The following BYSL variants were observed in gnomAD, a reference collection of about 807,000 sequenced individuals.
BYSL encodes bystin like.
Under a neutral mutation model 45.4 loss-of-function variants are expected in BYSL, and 21 were observed. The observed-to-expected ratio is 0.46, with a 90% CI of 0.33 to 0.67. The LOEUF (loss-of-function observed/expected upper bound fraction) is 0.67. Among genes scored for constraint, BYSL ranks in the 30% least tolerant of loss-of-function variants. The probability of loss-of-function intolerance (pLI) is 0.02; values close to 1 mark genes in which losing one functional copy is unlikely to be tolerated. For missense variants in BYSL, 522 were observed against 578.5 expected, an observed-to-expected ratio of 0.90 and a Z score of 1.00; for synonymous variants, 215 against 231.3, an observed-to-expected ratio of 0.93 and a Z score of 0.64.
At chr6:41,927,228 G>C (rs1000477092) in intron 1 of BYSL, 146 bp from the exon 2 acceptor site, 4 of 874,680 alleles carry the variant, frequency 4.6e-6, no homozygotes, top group Non-Finnish European at 6.8e-6. Context: ...CTGGGGACAG[G>C]GAGCTAATGC....
rs201213409 is a variant in BYSL at position 41,932,338 on chromosome 6, A to G, written c.969-23A>G. 1.7e-5 allele frequency: 27 copies of G among 1,595,406 alleles called. No individual in the cohort carries two copies. Among genetic ancestry groups the G allele is most frequent in the African/African-American group, 4.0e-5 (3 of 74,706 alleles). ...TTCCAATGTTTTCCCTGCTTACTCT[A>G]CCCCACCTCCCTTTCCCACTAGTGC... is the stretch of plus-strand genomic sequence containing the variant. On this transcript the variant is annotated intron_variant, in intron 6 of 6. Coordinates refer to ENST00000230340, the MANE Select transcript of BYSL (RefSeq NM_004053.4). The surrounding 1 kb of genome is among the most constrained non-coding windows in gnomAD (Gnocchi z 4.7).
rs1201160291 is a variant in BYSL at position 41,932,757 on chromosome 6, C to T, written c.*51C>T. On this transcript the variant is annotated 3_prime_UTR_variant, in exon 7 of 7. Transcript: ENST00000230340. This position sits in a 1 kb window ranked among gnomAD's most constrained non-coding sequence, Gnocchi z 4.7. The stretch of plus-strand genomic sequence containing the variant: ...AAGGGGTTTGGAAGGACACCAAGAC[C>T]CCCGTTGGTGACTGAAGATGACACT... The T allele has an allele frequency of 6.5e-7, 1 of 1,535,152 alleles. No individual in the cohort carries two copies. Among genetic ancestry groups the T allele is most frequent in the Non-Finnish European group, 8.8e-7 (1 of 1,131,428 alleles).
chr6:41,920,844 A>G, upstream of BYSL: 1 of 836,796 alleles, frequency 1.2e-6, no homozygotes, highest in Non-Finnish European at 1.8e-6. Context: ...ATCTCTGAGG[A>G]AACAAGCCCG....
At position 41,921,591 on chromosome 6, in the gene BYSL, T is replaced by C. The variant is rs1554152618; in HGVS notation, c.29T>C (p.Val10Ala). ...CCCAAATTCAAGGCGGCCCGTGGGGTGGGGGGTCAGGAAAAACATGCGCCC... is the reference window on the plus strand; with the variant it reads ...CCCAAATTCAAGGCGGCCCGTGGGGCGGGGGGTCAGGAAAAACATGCGCCC... MPKFKAARG[V>A]GGQEKHAPLA... Residue 10 changes from valine (V) to alanine (A), a missense_variant, in exon 1 of 7, where the codon GTG becomes GCG. Coordinates refer to ENST00000230340, the MANE Select transcript of BYSL (RefSeq NM_004053.4). The C allele has an allele frequency of 2.5e-6, 4 of 1,588,252 alleles. No homozygotes were observed. The East Asian group carries it at 9.1e-5, about 36-fold the overall frequency.
chr6:41,920,833 C>A (rs1775443697), upstream of BYSL: 1 of 672,616 alleles, frequency 1.5e-6, no homozygotes. Flanking sequence ...GGAAGGGGCG[C>A]ATCTCTGAGG....
chr6:41,930,102 C>T (rs780374384), intron 2 of BYSL, 30 bp from the exon 3 acceptor site: 4 of 1,613,344 alleles, frequency 2.5e-6, no homozygotes, highest in African/African-American at 1.3e-5. Context: ...TGCCCCCTCT[C>T]TCCCCTCCTC....
the BYSL span, among the ~76,000 whole-genome samples, chr6:41,914,498 G>C: frequency 3.3e-5 from 5 of 152,198 alleles, no homozygotes; most frequent in Admixed American, 2.6e-4. Context: ...GTTAGAATGT[G>C]GCAAAGCCAG....
the BYSL span, chr6:41,909,623 G>C: frequency 1.1e-4 from 164 of 1,518,990 alleles, no homozygotes; most frequent in Non-Finnish European, 1.5e-4. Context: ...ACAGCAATCT[G>C]GCACTACCTC....
At chr6:41,929,855 C>G (rs1775612432) in intron 2 of BYSL, among the ~76,000 whole-genome samples, 1 of 152,198 alleles carries the variant, frequency 6.6e-6, no homozygotes, top group Admixed American at 6.5e-5. Flanking sequence ...GGATTTGAAC[C>G]TGGGCAGACT....
intron 1 of BYSL, among the ~76,000 whole-genome samples, chr6:41,924,106 G>T: frequency 6.7e-6 from 1 of 150,004 alleles, no homozygotes; most frequent in South Asian, 2.1e-4. Flanking sequence ...CCGTCACCCA[G>T]GCTGAGTGCA....
chr6:41,917,045 T>C (rs138031169), upstream of BYSL: 231 of 1,209,678 alleles, frequency 1.9e-4, no homozygotes, highest in African/African-American at 3.1e-3. Flanking sequence ...AAAAGTTATC[T>C]TGGAAATTAC....
rs1294258812 is a variant in BYSL, at chr6:41,932,267, G to A, written c.969-94G>A. ...TACCATAGTGTAAGGGCCAGCAGAG[G>A]GGAAGAAAAAAAGGGGAAAGCATAG... On this transcript the variant is annotated intron_variant, in intron 6 of 6. Coordinates refer to ENST00000230340, the MANE Select transcript of BYSL (RefSeq NM_004053.4). This position sits in a 1 kb window ranked among gnomAD's most constrained non-coding sequence, Gnocchi z 4.7. 41 of 1,237,700 alleles carry A rather than the reference G, an allele frequency of 3.3e-5. No individual in the cohort carries two copies. The highest frequency in any genetic ancestry group is 3.8e-4 in the Middle Eastern group (2 of 5,232). The allele number at this position is 1,237,700 out of a possible 1,614,324, so 76.7% of individuals were successfully genotyped here.
At chr6:41,923,108 G>A (rs1471573264) in intron 1 of BYSL, among the ~76,000 whole-genome samples, 1 of 150,888 alleles carries the variant, frequency 6.6e-6, no homozygotes, top group African/African-American at 2.5e-5. Context: ...TAGCCTCCTC[G>A]TTAGTATCTC....
chr6:41,930,433 T>C (rs1307688765), intron 3 of BYSL, 163 bp downstream of exon 3: 2 of 1,230,848 alleles, frequency 1.6e-6, no homozygotes, highest in Non-Finnish European at 2.2e-6. Context: ...CTGCTCTGCC[T>C]GTAAATGACT....
intron 1 of BYSL, among the ~76,000 whole-genome samples, chr6:41,925,953 G>A (rs1775558488): frequency 6.6e-6 from 1 of 152,144 alleles, no homozygotes; most frequent in South Asian, 2.1e-4. Flanking sequence ...CAAAATGGTG[G>A]GATTACAGGC....
the BYSL span, chr6:41,909,362 A>G: frequency 2.5e-6 from 4 of 1,614,074 alleles, no homozygotes; most frequent in African/African-American, 4.0e-5. Context: ...CCCGGGTCTC[A>G]ATCTTGCTGG....
chr6:41,930,834 C>T, intron 4 of BYSL, 66 bp downstream of exon 4: 1 of 1,538,638 alleles, frequency 6.5e-7, no homozygotes, highest in Middle Eastern at 2.4e-4. Context: ...GACGGACAGG[C>T]TTTCCTTGCC....
chr6:41,915,747 A>G, the BYSL span, among the ~76,000 whole-genome samples: 2 of 150,320 alleles, frequency 1.3e-5, no homozygotes, highest in African/African-American at 4.9e-5. Context: ...AGATTGCGCC[A>G]CTGCACTCCA....
chr6:41,926,960 G>A (rs1157769132), intron 1 of BYSL, among the ~76,000 whole-genome samples: 1 of 151,642 alleles, frequency 6.6e-6, no homozygotes, highest in Admixed American at 6.6e-5. Flanking sequence ...CCGGGCTGGT[G>A]GCTTATGCCT....
Sources: allele counts gnomAD v4.1 joint callset (sites outside exome capture counted in the v4.1 genomes callset), GRCh38; gene constraint gnomAD v4.1.1; non-coding constraint Gnocchi (gnomAD v3.1); transcripts MANE v1.5; gene names NCBI Gene and HGNC (gene_info 2026-07-23, HGNC 2026-07-21).